GABPA: variants seen among roughly 807,000 people sequenced by gnomAD.
GABPA encodes the protein GA binding protein transcription factor subunit alpha.
In GABPA, 4 loss-of-function variants were observed where a neutral mutation model predicts 59.4. The observed-to-expected ratio is 0.07, with a 90% CI of 0.03 to 0.15. GABPA has a LOEUF of 0.15. GABPA is among the 10% of genes least tolerant of loss of function. The pLI is 1.00. For synonymous variants in GABPA, 164 were observed against 183.1 expected (o/e 0.90, Z 0.84); for missense variants, 251 against 543.8 (o/e 0.46, Z 5.36).
intron 1 of GABPA, among the ~76,000 whole-genome samples, chr21:25,740,535 A>G (rs2035193606): frequency 6.6e-6 from 1 of 152,254 alleles, no homozygotes; most frequent in South Asian, 2.1e-4. Flanking sequence ...CACCTCAGAC[A>G]TGTCCACAAA....
chr21:25,751,986 C>A lies in GABPA; in HGVS notation c.308-3C>A. ...TTACAATTTTTTTTTATCCACTGTT[C>A]AGGAATTGAACCAAAGTTAAACATC... On this transcript the variant is annotated splice_polypyrimidine_tract_variant and splice_region_variant and intron_variant, in intron 4 of 9. Coordinates refer to ENST00000400075, the MANE Select transcript of GABPA (RefSeq NM_002040.4). 1.9e-6 allele frequency: 3 copies of A among 1,611,640 alleles called. No homozygotes were observed. In the South Asian group the frequency reaches 3.3e-5, roughly 18 times the overall value.
At chr21:25,763,211 T>G (rs537685786) in intron 7 of GABPA, 1 of 511,296 alleles carries the variant, frequency 2.0e-6, no homozygotes, top group East Asian at 5.1e-5. Flanking sequence ...TAAACATCTT[T>G]CATTAAAACA....
intron 7 of GABPA, among the ~76,000 whole-genome samples, chr21:25,763,693 C>G (rs1020161662): frequency 6.6e-6 from 1 of 152,046 alleles, no homozygotes; most frequent in African/African-American, 2.4e-5. Context: ...TTGATACTTG[C>G]AGCTGTTTCA....
At chr21:25,747,651 TTTTGAAGAG>T (rs2035401642) in intron 3 of GABPA, among the ~76,000 whole-genome samples, 1 of 152,196 alleles carries the variant, frequency 6.6e-6, no homozygotes, top group South Asian at 2.1e-4. Context: ...AGTTGCACTT[TTTTGAAGAG>T]TGTTAACACA....
At chr21:25,750,949 ATAG>A (rs1257866104) in intron 4 of GABPA, among the ~76,000 whole-genome samples, 1 of 152,184 alleles carries the variant, frequency 6.6e-6, no homozygotes, top group Admixed American at 6.5e-5. Flanking sequence ...CCTGAGAATG[ATAG>A]TAGTAGTTTC....
chr21:25,748,580 A>AG (rs1207826661), intron 3 of GABPA, among the ~76,000 whole-genome samples: 5 of 152,214 alleles, frequency 3.3e-5, no homozygotes, highest in Admixed American at 2.6e-4. Context: ...TTATGATGAG[A>AG]GATTTAGAGT....
chr21:25,759,125 C>G (rs1020908353), intron 6 of GABPA, among the ~76,000 whole-genome samples: 3 of 152,102 alleles, frequency 2.0e-5, no homozygotes, highest in African/African-American at 7.2e-5. Context: ...GAAAACAAGG[C>G]ACAAATGTAA....
At chr21:25,741,971 C>T (rs1258948566) in intron 2 of GABPA, among the ~76,000 whole-genome samples, 6 of 152,160 alleles carry the variant, frequency 3.9e-5, no homozygotes, top group Non-Finnish European at 7.3e-5. Context: ...GCTTTAATTT[C>T]AGAAATAGTT....
intron 5 of GABPA, among the ~76,000 whole-genome samples, chr21:25,756,005 C>T (rs1393308145): frequency 6.6e-6 from 1 of 152,166 alleles, no homozygotes; most frequent in Non-Finnish European, 1.5e-5. Context: ...TAGATTAAAT[C>T]TTTCATCCAT....
In GABPA at chr21:25,769,083, C is replaced by A; in HGVS notation, c.1216C>A (p.Leu406Ile). The A allele has an allele frequency of 6.2e-7, 1 of 1,613,422 alleles. No individual in the cohort carries two copies. Among genetic ancestry groups the A allele is most frequent in the Non-Finnish European group, 8.5e-7 (1 of 1,179,482 alleles). ...CAAGTTTGTCTGTGACTTGAAGACT[C>A]TTATTGGATACAGTGCAGCGGAGTT... The part of the protein sequence containing the change: ...VYKFVCDLKT[L>I]IGYSAAELNR... The change falls in exon 10 of 10, where the codon CTT becomes ATT. Residue 406 changes from leucine to isoleucine, a missense_variant. Leu to Ile is a conservative substitution (Grantham distance 5). Transcript: ENST00000400075.
intron 5 of GABPA, among the ~76,000 whole-genome samples, chr21:25,754,404 C>T (rs539562247): frequency 2.0e-5 from 3 of 152,086 alleles, no homozygotes; most frequent in Non-Finnish European, 4.4e-5. Flanking sequence ...TGTTGAATCT[C>T]TTGAGTTGAT....
chr21:25,735,458 C>T lies in GABPA; in HGVS notation c.-147C>T, dbSNP rs1382246650. ...GCGGGAAGGGCCCTGGGACCTCACA[C>T]TTCTAGTCGCGGGAGCTGCAGGTCT... On this transcript the variant is annotated 5_prime_UTR_variant, in exon 1 of 10. Coordinates refer to ENST00000400075, the MANE Select transcript of GABPA (RefSeq NM_002040.4). 1 of 158,826 alleles carries T rather than the reference C, an allele frequency of 6.3e-6. No individual in the cohort carries two copies. Among genetic ancestry groups the T allele is most frequent in the Non-Finnish European group, 1.4e-5 (1 of 71,134 alleles). 9.8% of individuals were successfully genotyped at this position (158,826 alleles called of 1,614,324 possible).
intron 7 of GABPA, among the ~76,000 whole-genome samples, chr21:25,763,569 A>G (rs71651634): frequency 2.6e-5 from 4 of 152,296 alleles, no homozygotes; most frequent in East Asian, 3.9e-4. Flanking sequence ...TTTACCAACT[A>G]TGTAATCGTA....
At chr21:25,768,982 A>AT (rs199745049) in intron 9 of GABPA, 22 bp from the exon 10 acceptor site, 983 of 1,450,560 alleles carry the variant, frequency 6.8e-4, no homozygotes, top group East Asian at 2.6e-3. Context: ...GAAGTCTCTA[A>AT]TTTTTTTTTC....
intron 9 of GABPA, among the ~76,000 whole-genome samples, chr21:25,765,956 T>C (rs966549386): frequency 6.6e-6 from 1 of 151,984 alleles, no homozygotes; most frequent in Admixed American, 6.6e-5. Context: ...TACATGGGAC[T>C]ATAAAGTACC....
chr21:25,737,280 T>C (rs1310120715), intron 1 of GABPA, among the ~76,000 whole-genome samples: 2 of 152,192 alleles, frequency 1.3e-5, no homozygotes, highest in Admixed American at 1.3e-4. Context: ...TCCTAAGTAT[T>C]GACATAGAAG....
At chr21:25,753,758 C>G (rs1012434789) in intron 5 of GABPA, among the ~76,000 whole-genome samples, 1 of 152,102 alleles carries the variant, frequency 6.6e-6, no homozygotes, top group Non-Finnish European at 1.5e-5. Context: ...TACTGATCTT[C>G]CAAGAGTTGG....
intron 3 of GABPA, 112 bp downstream of exon 3, chr21:25,745,466 C>A: frequency 1.1e-6 from 1 of 886,802 alleles, no homozygotes; most frequent in Non-Finnish European, 1.6e-6. Context: ...AAGATTTGAC[C>A]TGTATTACTG....
chr21:25,753,261 A>G (rs553914978), intron 5 of GABPA, among the ~76,000 whole-genome samples: 1 of 152,118 alleles, frequency 6.6e-6, no homozygotes, highest in African/African-American at 2.4e-5. Context: ...GTGGAAGTTT[A>G]TATTCAGCTG....
Sources: allele counts gnomAD v4.1 joint callset (sites outside exome capture counted in the v4.1 genomes callset), GRCh38; gene constraint gnomAD v4.1.1; transcripts MANE v1.5; gene names NCBI Gene and HGNC (gene_info 2026-07-23, HGNC 2026-07-21).